KLHL31: variants seen among roughly 807,000 people sequenced by gnomAD.
KLHL31 encodes the protein kelch like family member 31, also known as kelch-like protein 31.
A neutral mutation model predicts 47.1 loss-of-function variants in KLHL31; 32 were observed. The observed-to-expected ratio is 0.68, with a 90% CI of 0.51 to 0.91. The LOEUF (loss-of-function observed/expected upper bound fraction) is 0.91, where lower values mean the gene tolerates loss of function less well. Among genes scored for constraint, KLHL31 ranks in the 40% least tolerant of loss-of-function variants. The pLI, the probability that KLHL31 is intolerant of heterozygous loss-of-function variation, is 0.00. For missense variants in KLHL31, 797 were observed against 819.3 expected (o/e 0.97, Z 0.33); for synonymous variants, 330 against 325.1 (o/e 1.01, Z -0.16).
rs1328032607 is a variant in KLHL31 at position 53,654,890 on chromosome 6, G to T, written c.383C>A (p.Ala128Asp). The T allele has an allele frequency of 1.2e-6, 2 of 1,614,016 alleles. No homozygotes were observed. The highest frequency in any genetic ancestry group is 2.2e-5 in the East Asian group (1 of 44,892). Residue 128 changes from alanine (A) to aspartate (D), a missense_variant, in exon 2 of 3, where the codon GCC (alanine) becomes GAC (aspartate). By Grantham distance (126) the Ala-to-Asp change is moderately radical. Coordinates refer to ENST00000370905, the MANE Select transcript of KLHL31 (RefSeq NM_001003760.5). ...PLGLATVIAY[A>D]YTGKLTLSLY... ...GGAGAGAGTGAGCTTTCCAGTGTAG[G>T]CATATGCAATGACAGTGGCCAGGCC...
In KLHL31 at chr6:53,655,036, GGTACCAATGACTAAGTCACATAGGAA is replaced by G; in HGVS notation, c.211_236del (p.Phe71GlnfsTer6). The stretch of plus-strand genomic sequence containing the variant: ...TATGAACATCAAAGGATTTGGTTTT[GGTACCAATGACTAAGTCACATAGGAA>G]GTTCTCCTGCCGCATTTTACTTAAA... On this transcript the variant is annotated frameshift_variant, in exon 2 of 3. Transcript: ENST00000370905. LOFTEE classifies it high-confidence loss of function. The G allele has an allele frequency of 6.2e-7, 1 of 1,614,128 alleles. No individual in the cohort carries two copies.
Position 53,654,339 on chromosome 6 carries a change from G to A in KLHL31, c.934C>T (p.Arg312Ter), listed in dbSNP as rs138864881. 6 of 1,614,034 alleles carry A rather than the reference G, an allele frequency of 3.7e-6. No homozygotes were observed. Among genetic ancestry groups the A allele is most frequent in the African/African-American group, 1.3e-5 (1 of 74,890 alleles). The change falls in exon 2 of 3, where the codon CGA (arginine) becomes TGA (stop). Residue 312 changes from arginine (R) to a stop codon, truncating the protein, a stop_gained. Transcript: ENST00000370905. LOFTEE classifies it high-confidence loss of function. ...GTGACGAGGACTCGGCAGCCACCTC[G>A]GATTCTTGTTCGCCTAGATTGCAAT... ...NTLQSRRTRIRGGCRVLVTVG... is the reference protein window; with the variant it reads ...NTLQSRRTRI
intron 1 of KLHL31, among the ~76,000 whole-genome samples, chr6:53,664,526 T>C (rs2127371486): frequency 6.6e-6 from 1 of 152,346 alleles, no homozygotes; most frequent in African/African-American, 2.4e-5. Flanking sequence ...CCCTTGTCTG[T>C]AAGTGGGCAA....
intron 2 of KLHL31, among the ~76,000 whole-genome samples, chr6:53,653,702 T>C (rs1037901410): frequency 6.6e-6 from 1 of 152,244 alleles, no homozygotes; most frequent in Non-Finnish European, 1.5e-5. Flanking sequence ...TATTATTCTA[T>C]TCTTTCTTAC....
rs1581785126 is a variant in KLHL31, at chr6:53,649,408, A to G, written c.*2190T>C. 1 of 152,304 alleles carries G rather than the reference A, an allele frequency of 6.6e-6. No homozygotes were observed. The highest frequency in any genetic ancestry group is 3.4e-3 in the Middle Eastern group (1 of 294). 9.4% of individuals were successfully genotyped at this position (152,304 alleles called of 1,614,324 possible). A position where few individuals can be genotyped will look rare whatever the true frequency, so the allele number is the denominator to read the frequency against. On this transcript the variant is annotated 3_prime_UTR_variant, in exon 3 of 3. Coordinates refer to ENST00000370905, the MANE Select transcript of KLHL31 (RefSeq NM_001003760.5). ...GATTTTCTGAGTCTTCAGATAAACA[A>G]TGTAGAAAATAAATTAAATGGTAAT...
rs759560349 is a variant in KLHL31 at position 53,651,792 on chromosome 6, C to T, written c.1711G>A (p.Gly571Arg). The change falls in exon 3 of 3, where the codon GGG becomes AGG. Residue 571 changes from glycine (G) to arginine (R), a missense_variant. By Grantham distance (125) the Gly-to-Arg change is moderately radical. Transcript: ENST00000370905. ...SALHGRAYLV[G>R]GWNEGEKKYK... is the part of the protein sequence containing the mutation. ...TTCTTCTCGCCCTCGTTCCAGCCCCCCACCAGGTAGGCGCGGCCATGCAGC... is the reference window on the plus strand; with the variant it reads ...TTCTTCTCGCCCTCGTTCCAGCCCCTCACCAGGTAGGCGCGGCCATGCAGC... 3 of 1,613,554 alleles carry T rather than the reference C, an allele frequency of 1.9e-6. No individual in the cohort carries two copies. The highest frequency in any genetic ancestry group is 2.5e-6 in the Non-Finnish European group (3 of 1,180,034).
In KLHL31 at chr6:53,655,245, T is replaced by A; in HGVS notation, c.28A>T (p.Lys10Ter). The A allele has an allele frequency of 3.2e-6, 5 of 1,577,272 alleles. No individual in the cohort carries two copies. Among genetic ancestry groups the A allele is most frequent in the Non-Finnish European group, 4.3e-6 (5 of 1,163,946 alleles). The change falls in exon 2 of 3, where the codon AAG becomes TAG. Residue 10 changes from lysine (K) to a stop codon, truncating the protein, a stop_gained. Coordinates refer to ENST00000370905, the MANE Select transcript of KLHL31 (RefSeq NM_001003760.5). LOFTEE classifies it high-confidence loss of function. ...ATCTCATTGATATCTCCTTTGTTCTTTTTGACAATCTTCTTTTTGGGTGCC... is the reference window on the plus strand; with the variant it reads ...ATCTCATTGATATCTCCTTTGTTCTATTTGACAATCTTCTTTTTGGGTGCC... MAPKKKIVK[K>*]NKGDINEMTI...
chr6:53,649,953 A>G lies in KLHL31; in HGVS notation c.*1645T>C, dbSNP rs1406832259. 2 of 152,202 alleles carry G rather than the reference A, an allele frequency of 1.3e-5. No individual in the cohort carries two copies. Among genetic ancestry groups the G allele is most frequent in the Non-Finnish European group, 2.9e-5 (2 of 68,020 alleles). The allele number at this position is 152,202 out of a possible 1,614,324, so 9.4% of individuals were successfully genotyped here. On this transcript the variant is annotated 3_prime_UTR_variant, in exon 3 of 3. Transcript: ENST00000370905. ...GCCCTTACCTGAGTGTTATCATTAA[A>G]TATCCAGAGATTGAACTTTTCATCG...
intron 1 of KLHL31, among the ~76,000 whole-genome samples, chr6:53,662,974 T>TTAA (rs151275541): frequency 0.045 from 6,812 of 152,248 alleles, 504 homozygotes; most frequent in African/African-American, 0.16. Flanking sequence ...GGGCCCTGGG[T>TTAA]TAAGCACTTT....
At chr6:53,664,716 G>C (rs1454401784) in intron 1 of KLHL31, among the ~76,000 whole-genome samples, 1 of 152,224 alleles carries the variant, frequency 6.6e-6, no homozygotes, top group Non-Finnish European at 1.5e-5. Context: ...AGCCATGTGT[G>C]CTAAAGTGTC....
chr6:53,655,194 G>C lies in KLHL31; in HGVS notation c.79C>G (p.Leu27Val), dbSNP rs1258253202. 2.5e-6 allele frequency: 4 copies of C among 1,613,416 alleles called. No individual in the cohort carries two copies. Among genetic ancestry groups the C allele is most frequent in the Non-Finnish European group, 3.4e-6 (4 of 1,179,768 alleles). Residue 27 changes from leucine (L) to valine (V), a missense_variant, in exon 2 of 3, where the codon CTA (leucine) becomes GTA (valine). Leu to Val is a conservative substitution (Grantham distance 32). Transcript: ENST00000370905. ...EMTIIVEDSP[L>V]NKLNALNGLL... ...CCATTCAAAGCATTCAGTTTGTTTA[G>C]GGGGCTATCTTCTACGATTATAGTC...
chr6:53,665,438 A>G (rs540885899), intron 1 of KLHL31, among the ~76,000 whole-genome samples, 163 bp downstream of exon 1: 2 of 149,782 alleles, frequency 1.3e-5, no homozygotes, highest in South Asian at 2.1e-4. Context: ...CTGTCTCCCA[A>G]CTTCAGATTA....
At position 53,655,058 on chromosome 6, in the gene KLHL31, A is replaced by G. The variant is rs923899682; in HGVS notation, c.215T>C (p.Leu72Pro). 4 of 1,614,046 alleles carry G rather than the reference A, an allele frequency of 2.5e-6. No individual in the cohort carries two copies. Among genetic ancestry groups the G allele is most frequent in the African/African-American group, 1.3e-5 (1 of 75,052 alleles). The change falls in exon 2 of 3, where the codon CTA becomes CCA. Residue 72 changes from leucine to proline, a missense_variant. By Grantham distance (98) the Leu-to-Pro change is moderately conservative. Coordinates refer to ENST00000370905, the MANE Select transcript of KLHL31 (RefSeq NM_001003760.5). ...GLSKMRQENF[L>P]CDLVIGTKTK... Reference sequence around the variant, plus strand: ...TTTGGTACCAATGACTAAGTCACATAGGAAGTTCTCCTGCCGCATTTTACT... The same window carrying G: ...TTTGGTACCAATGACTAAGTCACATGGGAAGTTCTCCTGCCGCATTTTACT...
chr6:53,653,962 T>C (rs1269973727), intron 2 of KLHL31, 139 bp downstream of exon 2: 1 of 663,886 alleles, frequency 1.5e-6, no homozygotes, highest in African/African-American at 1.8e-5. Context: ...GTGCTGAACA[T>C]ACGTAAGGTG....
At position 53,654,262 on chromosome 6, in the gene KLHL31, C is replaced by A. The variant is rs549583500; in HGVS notation, c.1011G>T (p.Leu337Phe). ...LTEKSLSRDI[L>F]YRDPENGWSK... ...TCCATCCATTTTCAGGGTCTCTATA[C>A]AAGATGTCTCTGCTAAGGGACTTCT... The change falls in exon 2 of 3, where the codon TTG (leucine) becomes TTT (phenylalanine). Residue 337 changes from leucine to phenylalanine, a missense_variant. Physicochemically the swap from Leu to Phe is conservative, Grantham distance 22 (BLOSUM62 0). Coordinates refer to ENST00000370905, the MANE Select transcript of KLHL31 (RefSeq NM_001003760.5). The A allele has an allele frequency of 4.8e-5, 78 of 1,614,186 alleles. No individual in the cohort carries two copies. In the South Asian group the frequency reaches 8.1e-4, roughly 17 times the overall value.
In KLHL31 at chr6:53,651,669, G is replaced by A; in HGVS notation, c.1834C>T (p.Leu612Phe). 6.2e-7 allele frequency: 1 copy of A among 1,614,158 alleles called. No homozygotes were observed. The highest frequency in any genetic ancestry group is 8.5e-7 in the Non-Finnish European group (1 of 1,180,034). The change falls in exon 3 of 3, where the codon CTC becomes TTC. Residue 612 changes from leucine to phenylalanine, a missense_variant. Coordinates refer to ENST00000370905, the MANE Select transcript of KLHL31 (RefSeq NM_001003760.5). ...EATVGVSCCTLSMPNNVTRES... is the reference protein window; with the variant it reads ...EATVGVSCCTFSMPNNVTRES... ...CGAGTCACGTTGTTGGGCATCGAGAGGGTGCAGCAGGACACGCCGACAGTG... is the reference window on the plus strand; with the variant it reads ...CGAGTCACGTTGTTGGGCATCGAGAAGGTGCAGCAGGACACGCCGACAGTG...
chr6:53,651,684 C>A lies in KLHL31; in HGVS notation c.1819G>T (p.Val607Leu). ...DDELPEATVG[V>L]SCCTLSMPNN... Reference sequence around the variant, plus strand: ...GGCATCGAGAGGGTGCAGCAGGACACGCCGACAGTGGCCTCGGGTAGCTCG... The same window carrying A: ...GGCATCGAGAGGGTGCAGCAGGACAAGCCGACAGTGGCCTCGGGTAGCTCG... Residue 607 changes from valine (V) to leucine (L), a missense_variant, in exon 3 of 3, where the codon GTG becomes TTG. Val to Leu is a conservative substitution (Grantham distance 32, BLOSUM62 1). Transcript: ENST00000370905. The A allele has an allele frequency of 6.2e-7, 1 of 1,614,208 alleles. No individual in the cohort carries two copies. Among genetic ancestry groups the A allele is most frequent in the Non-Finnish European group, 8.5e-7 (1 of 1,180,036 alleles).
chr6:53,662,750 T>C (rs1166254619), intron 1 of KLHL31, among the ~76,000 whole-genome samples: 2 of 152,260 alleles, frequency 1.3e-5, no homozygotes, highest in African/African-American at 4.8e-5. Flanking sequence ...TAGTGCCATG[T>C]ATTCAACACC....
chr6:53,651,406 A>AAAAAAAAAAAAAAAAAAAAAAAC lies in KLHL31; in HGVS notation c.*191_*192insGTTTTTTTTTTTTTTTTTTTTTT. ...CATTGCCCTGTATTTTGCTAAAAAA[A>AAAAAAAAAAAAAAAAAAAAAAAC]AAAAAAAAAAAAAGAGGTAGATTAT... On this transcript the variant is annotated 3_prime_UTR_variant, in exon 3 of 3. Transcript: ENST00000370905. 1 of 268,710 alleles carries AAAAAAAAAAAAAAAAAAAAAAAC rather than the reference A, an allele frequency of 3.7e-6. No individual in the cohort carries two copies. The highest frequency in any genetic ancestry group is 7.0e-6 in the Non-Finnish European group (1 of 142,660). The allele number at this position is 268,710 out of a possible 1,614,324, so 16.6% of individuals were successfully genotyped here.
Sources: allele counts gnomAD v4.1 joint callset (sites outside exome capture counted in the v4.1 genomes callset), GRCh38; gene constraint gnomAD v4.1.1; transcripts MANE v1.5; gene names NCBI Gene and HGNC (gene_info 2026-07-23, HGNC 2026-07-21).